The following CHD1L variants were observed in gnomAD, a reference collection of about 807,000 sequenced individuals.
The protein encoded by CHD1L is chromodomain helicase DNA binding protein 1 like, also known as ATP-dependent chromatin remodeler CHD1L.
CHD1L carries 118 observed loss-of-function variants against 115.9 expected under a neutral mutation model. The observed-to-expected ratio is 1.02, with a 90% CI of 0.88 to 1.19. The LOEUF is 1.19. Among genes scored for constraint, CHD1L ranks in the 50% most tolerant of loss-of-function variants. CHD1L has a pLI of 0.00. For missense variants in CHD1L, 1,179 were observed against 1,065.3 expected (o/e 1.11, Z -1.49); for synonymous variants, 411 against 387.1 (o/e 1.06, Z -0.72).
chr1:147,277,164 C>G (rs1317034602), intron 14 of CHD1L, among the ~76,000 whole-genome samples: 4 of 152,056 alleles, frequency 2.6e-5, no homozygotes, highest in Non-Finnish European at 4.4e-5. Context: ...AGAATTTAGG[C>G]TTTAGTCAGA....
At chr1:147,225,508 T>C in the CHD1L span, 1 of 161,606 alleles carries the variant, frequency 6.2e-6, no homozygotes, top group South Asian at 1.7e-4. Flanking sequence ...GAAGCTGCTT[T>C]GGGCGAAAAA....
At chr1:147,238,639 T>C (rs1012124161), upstream of CHD1L, among the ~76,000 whole-genome samples, 3 of 152,210 alleles carry the variant, frequency 2.0e-5, no homozygotes, top group Non-Finnish European at 4.4e-5. Context: ...CAGAAAACAC[T>C]GGACCAGCTT....
chr1:147,291,360 A>G (rs1331897203), intron 19 of CHD1L, 122 bp from the exon 20 acceptor site: 2 of 758,252 alleles, frequency 2.6e-6, no homozygotes, highest in Non-Finnish European at 2.3e-6. Flanking sequence ...AAAGTGAGAA[A>G]GGGCTGTGTA....
the CHD1L span, among the ~76,000 whole-genome samples, chr1:147,191,922 T>A: frequency 6.6e-6 from 1 of 152,086 alleles, no homozygotes; most frequent in African/African-American, 2.4e-5. Flanking sequence ...AGCCTTGTAG[T>A]ATAGTTTGAA....
At chr1:147,213,281 G>A in the CHD1L span, 1 of 1,583,918 alleles carries the variant, frequency 6.3e-7, no homozygotes, top group Non-Finnish European at 8.6e-7. Flanking sequence ...ATGGGTCAAG[G>A]GTCTTCCTTC....
At chr1:147,294,135 T>A (rs1043234178) in intron 21 of CHD1L, among the ~76,000 whole-genome samples, 2 of 152,254 alleles carry the variant, frequency 1.3e-5, no homozygotes, top group African/African-American at 4.8e-5. Flanking sequence ...GCTTATTGAA[T>A]TGATTGGCTT....
At chr1:147,238,742 G>A (rs587647202), upstream of CHD1L, among the ~76,000 whole-genome samples, 1 of 152,282 alleles carries the variant, frequency 6.6e-6, no homozygotes, top group African/African-American at 2.4e-5. Flanking sequence ...TTTTAAAATT[G>A]TTCCACAGGC....
chr1:147,272,419 A>G, intron 12 of CHD1L, 138 bp downstream of exon 12: 3 of 613,414 alleles, frequency 4.9e-6, no homozygotes, highest in Admixed American at 2.9e-5. Flanking sequence ...GGTACTGGAC[A>G]TCAAGCATGG....
chr1:147,284,596 G>T, intron 16 of CHD1L, 97 bp downstream of exon 16: 1 of 1,078,220 alleles, frequency 9.3e-7, no homozygotes, highest in South Asian at 1.9e-5. Context: ...CTCTTAGGAT[G>T]ATTTGTCAAG....
chr1:147,247,949 G>A (rs1479789181), intron 1 of CHD1L, among the ~76,000 whole-genome samples: 5 of 152,128 alleles, frequency 3.3e-5, no homozygotes, highest in African/African-American at 4.8e-5. Flanking sequence ...TGTCCATTGC[G>A]TTATCCAGGC....
chr1:147,201,593 CAG>C, the CHD1L span: 1 of 900,492 alleles, frequency 1.1e-6, no homozygotes. Context: ...TGGAGGTAAA[CAG>C]GATGCCAATA....
intron 6 of CHD1L, 36 bp downstream of exon 6, chr1:147,259,954 C>G: frequency 1.4e-6 from 2 of 1,457,348 alleles, no homozygotes; most frequent in Non-Finnish European, 1.9e-6. Flanking sequence ...TTTATATAAC[C>G]CCTTCTTTTT....
the CHD1L span, chr1:147,211,457 A>G: frequency 6.6e-6 from 1 of 152,232 alleles, no homozygotes; most frequent in African/African-American, 2.4e-5. Context: ...TTGTGGTTAT[A>G]GATGAGGATA....
chr1:147,277,633 A>C (rs1271546379), intron 14 of CHD1L, among the ~76,000 whole-genome samples: 1 of 152,106 alleles, frequency 6.6e-6, no homozygotes, highest in Admixed American at 6.5e-5. Flanking sequence ...ATGCATGCTT[A>C]ATTAACCATA....
chr1:147,271,941 C>T (rs1676403313), intron 11 of CHD1L, among the ~76,000 whole-genome samples: 2 of 152,172 alleles, frequency 1.3e-5, no homozygotes, highest in Admixed American at 1.3e-4. Context: ...CCAAAGACTT[C>T]AACTGCATGT....
chr1:147,219,511 C>T, the CHD1L span, among the ~76,000 whole-genome samples: 8 of 151,902 alleles, frequency 5.3e-5, no homozygotes, highest in Non-Finnish European at 8.8e-5. Context: ...CTACAAAATA[C>T]CTATAACCAA....
At chr1:147,184,370 A>G in the CHD1L span, 1 of 1,079,956 alleles carries the variant, frequency 9.3e-7, no homozygotes, top group Non-Finnish European at 1.2e-6. The surrounding 1 kb of genome is among the most constrained non-coding windows in gnomAD (Gnocchi z 4.4). Flanking sequence ...GTCACAACTA[A>G]TAAACCAATA....
intron 19 of CHD1L, among the ~76,000 whole-genome samples, chr1:147,290,755 G>T (rs1236764819): frequency 6.6e-6 from 1 of 152,120 alleles, no homozygotes; most frequent in Non-Finnish European, 1.5e-5. Flanking sequence ...CTTTGCTCAA[G>T]AGATCCTCCC....
At chr1:147,250,576 T>C (rs1317922652) in intron 1 of CHD1L, among the ~76,000 whole-genome samples, 2 of 152,090 alleles carry the variant, frequency 1.3e-5, no homozygotes, top group Non-Finnish European at 2.9e-5. Context: ...CGTTATTGGT[T>C]GGTGGGGATA....
Sources: allele counts gnomAD v4.1 joint callset (sites outside exome capture counted in the v4.1 genomes callset), GRCh38; gene constraint gnomAD v4.1.1; non-coding constraint Gnocchi (gnomAD v3.1); transcripts MANE v1.5; gene names NCBI Gene and HGNC (gene_info 2026-07-23, HGNC 2026-07-21).